Variants in FERMT1 observed in about 807,000 individuals in gnomAD.
FERMT1 encodes the protein fermitin family homolog 1.
A neutral mutation model predicts 85.3 loss-of-function variants in FERMT1; 60 were observed. The ratio of observed to expected loss-of-function variants is 0.70; its 90% CI spans 0.57 to 0.87. The LOEUF is 0.87. Among genes scored for constraint, FERMT1 ranks in the 40% least tolerant of loss-of-function variants. FERMT1 has a pLI of 0.00. For synonymous variants in FERMT1, 275 were observed against 301.1 expected, an observed-to-expected ratio of 0.91 and a Z score of 0.90; for missense variants, 701 against 818.9, an observed-to-expected ratio of 0.86 and a Z score of 1.76.
At chr20:6,115,298 T>C (rs2123149535) in intron 3 of FERMT1, among the ~76,000 whole-genome samples, 1 of 152,330 alleles carries the variant, frequency 6.6e-6, no homozygotes, top group African/African-American at 2.4e-5. Context: ...ACCAAATCTA[T>C]AAATAATTAG....
chr20:6,093,948 T>G (rs1268203144), intron 9 of FERMT1: 3 of 152,166 alleles, frequency 2.0e-5, no homozygotes, highest in African/African-American at 7.2e-5. Flanking sequence ...AGAGTGAGAC[T>G]CTGTCTCAAA....
chr20:6,112,415 T>A, intron 4 of FERMT1, 62 bp downstream of exon 4: 1 of 1,469,472 alleles, frequency 6.8e-7, no homozygotes, highest in Non-Finnish European at 9.5e-7. Context: ...GGAGGAGAGA[T>A]ATATTTCTCT....
intron 1 of FERMT1, among the ~76,000 whole-genome samples, chr20:6,120,052 G>A (rs1441895079): frequency 2.0e-5 from 3 of 151,992 alleles, no homozygotes; most frequent in Non-Finnish European, 4.4e-5. Flanking sequence ...CTTCAATAAA[G>A]TTGATGTTTA....
chr20:6,093,078 TA>T (rs955926888), intron 9 of FERMT1, among the ~76,000 whole-genome samples: 4 of 151,836 alleles, frequency 2.6e-5, no homozygotes, highest in African/African-American at 9.7e-5. Context: ...TTTTTTTAAA[TA>T]AAAAAAGAGC....
chr20:6,088,495 G>T (rs1480851696), intron 10 of FERMT1, among the ~76,000 whole-genome samples: 1 of 152,166 alleles, frequency 6.6e-6, no homozygotes, highest in African/African-American at 2.4e-5. Flanking sequence ...TGCATTCAAG[G>T]CTCATGCTTG....
chr20:6,094,938 C>A lies in FERMT1; in HGVS notation c.1139+1G>T. The A allele has an allele frequency of 6.8e-7, 1 of 1,469,954 alleles. No homozygotes were observed. The highest frequency in any genetic ancestry group is 1.1e-5 in the South Asian group (1 of 87,978). 91.1% of individuals were successfully genotyped at this position (1,469,954 alleles called of 1,614,324 possible). On this transcript the variant is annotated splice_donor_variant, in intron 9 of 14. Transcript: ENST00000217289. LOFTEE classifies it high-confidence loss of function. ...CCTTTTCCCCATAAAAGTTTACTTA[C>A]CTAAATAATTTGAGATTATCTGCAA... is the stretch of plus-strand genomic sequence containing the variant.
chr20:6,119,079 C>T (rs989639973), intron 2 of FERMT1, among the ~76,000 whole-genome samples: 1 of 152,036 alleles, frequency 6.6e-6, no homozygotes, highest in African/African-American at 2.4e-5. Context: ...TTCCGAGTAG[C>T]TGGGATTACA....
At chr20:6,085,414 G>A in intron 11 of FERMT1, 127 bp from the exon 12 acceptor site, 2 of 804,568 alleles carry the variant, frequency 2.5e-6, no homozygotes, top group Non-Finnish European at 2.1e-6. Context: ...ATGTGAAGTG[G>A]CACACGTTGT....
At chr20:6,107,941 C>T (rs1982843717) in intron 5 of FERMT1, among the ~76,000 whole-genome samples, 1 of 152,236 alleles carries the variant, frequency 6.6e-6, no homozygotes, top group Non-Finnish European at 1.5e-5. Flanking sequence ...TCTCGGCTCA[C>T]TGCAGCCTCT....
chr20:6,105,509 GCTGCTGTCTTCAAGCAAGGCT>G (rs1445751466), intron 6 of FERMT1, among the ~76,000 whole-genome samples: 19 of 152,306 alleles, frequency 1.2e-4, no homozygotes, highest in African/African-American at 4.3e-4. Context: ...GCCAGTTGTT[GCTGCTGTCTTCAAGCAAGGCT>G]CACCCACATC....
chr20:6,107,498 A>C, intron 6 of FERMT1, 34 bp downstream of exon 6: 1 of 1,332,944 alleles, frequency 7.5e-7, no homozygotes, highest in Non-Finnish European at 1.1e-6. Context: ...ATTCATATTA[A>C]AAAGAGAAAG....
chr20:6,096,946 T>C lies in FERMT1; in HGVS notation c.1045A>G (p.Asn349Asp). 1 of 1,614,106 alleles carries C rather than the reference T, an allele frequency of 6.2e-7. No individual in the cohort carries two copies. Among genetic ancestry groups the C allele is most frequent in the South Asian group, 1.1e-5 (1 of 91,086 alleles). The change falls in exon 8 of 15, where the codon AAT becomes GAT. Residue 349 changes from asparagine (N) to aspartate (D), a missense_variant. By Grantham distance (23) the Asn-to-Asp change is conservative. Coordinates refer to ENST00000217289, the MANE Select transcript of FERMT1 (RefSeq NM_017671.5). ...CCACCTTCTAGGGTTACTTCCAAAT[T>C]AGAAAGCGCCGCTTCTATTTCATCA... ...EVDEIEAALS[N>D]LEVTLEGGKA...
In FERMT1 at chr20:6,075,962, C is replaced by T. The variant is rs1006216531; in HGVS notation, c.*1211G>A. 6.6e-6 allele frequency: 1 copy of T among 152,422 alleles called. No individual in the cohort carries two copies. Among genetic ancestry groups the T allele is most frequent in the Admixed American group, 6.5e-5 (1 of 15,290 alleles). 9.4% of individuals were successfully genotyped at this position (152,422 alleles called of 1,614,324 possible). Reference sequence around the variant, plus strand: ...TCAGGCAGCTGTTAATTGGCTCACTCTCTCAAGGCAAGCACTGTCTCAAGG... The same window carrying T: ...TCAGGCAGCTGTTAATTGGCTCACTTTCTCAAGGCAAGCACTGTCTCAAGG... On this transcript the variant is annotated 3_prime_UTR_variant, in exon 15 of 15. Coordinates refer to ENST00000217289, the MANE Select transcript of FERMT1 (RefSeq NM_017671.5).
chr20:6,083,495 A>C (rs1359878919), intron 13 of FERMT1, among the ~76,000 whole-genome samples: 1 of 151,978 alleles, frequency 6.6e-6, no homozygotes, highest in African/African-American at 2.4e-5. Flanking sequence ...AAGCCACACC[A>C]CGAGACACTA....
chr20:6,094,151 A>G (rs776116975), intron 9 of FERMT1: 31 of 152,340 alleles, frequency 2.0e-4, no homozygotes, highest in Middle Eastern at 3.4e-3. Context: ...ATGTGTTATC[A>G]AAAGCAACTT....
Position 6,076,973 on chromosome 20 carries a change from T to C in FERMT1, c.*200A>G. ...ATTTTATAGAAAAAACAAGAGAGGC[T>C]CCTTCCGTGGCTGGTAGCACAGGGC... is the stretch of plus-strand genomic sequence containing the variant. On this transcript the variant is annotated 3_prime_UTR_variant, in exon 15 of 15. Transcript: ENST00000217289. The C allele has an allele frequency of 1.6e-6, 1 of 609,200 alleles. No homozygotes were observed. The highest frequency in any genetic ancestry group is 2.9e-6 in the Non-Finnish European group (1 of 343,948). The allele number at this position is 609,200 out of a possible 1,614,324, so 37.7% of individuals were successfully genotyped here.
At chr20:6,077,423 C>T (rs1277765077) in intron 14 of FERMT1, 77 bp from the exon 15 acceptor site, 2 of 1,482,646 alleles carry the variant, frequency 1.3e-6, no homozygotes, top group Non-Finnish European at 1.9e-6. Flanking sequence ...TGGACTGGCC[C>T]CTGGAGCTGA....
At chr20:6,117,925 G>T (rs999957905) in intron 2 of FERMT1, among the ~76,000 whole-genome samples, 1 of 152,240 alleles carries the variant, frequency 6.6e-6, no homozygotes, top group Non-Finnish European at 1.5e-5. Flanking sequence ...GCCTCCCAAA[G>T]TGCTGGGATT....
chr20:6,088,627 T>C (rs1000347928), intron 10 of FERMT1, among the ~76,000 whole-genome samples: 3,762 of 43,670 alleles, frequency 0.086, 75 homozygotes, highest in South Asian at 0.29. Context: ...TGCTCACCTC[T>C]TTTTTTTTTT....
Sources: allele counts gnomAD v4.1 joint callset (sites outside exome capture counted in the v4.1 genomes callset), GRCh38; gene constraint gnomAD v4.1.1; transcripts MANE v1.5; gene names NCBI Gene and HGNC (gene_info 2026-07-23, HGNC 2026-07-21).